The following NTM variants were observed in gnomAD, a reference collection of about 807,000 sequenced individuals.
NTM encodes the protein neurotrimin.
A neutral mutation model predicts 42.1 loss-of-function variants in NTM; 13 were observed. The ratio of observed to expected loss-of-function variants is 0.31; its 90% CI spans 0.20 to 0.49. NTM has a LOEUF of 0.49. Among genes scored for constraint, NTM ranks in the 20% least tolerant of loss-of-function variants. The pLI, the probability that NTM is intolerant of heterozygous loss-of-function variation, is 0.99. For missense variants in NTM, 373 were observed against 452.8 expected, an observed-to-expected ratio of 0.82 and a Z score of 1.60; for synonymous variants, 187 against 179.2, an observed-to-expected ratio of 1.04 and a Z score of -0.35.
At chr11:131,390,568 C>A (rs992352246) in intron 1 of NTM, among the ~76,000 whole-genome samples, 1 of 152,000 alleles carries the variant, frequency 6.6e-6, no homozygotes, top group East Asian at 1.9e-4. Context: ...AATCCTGAGT[C>A]CTACACAGGA....
At chr11:131,891,049 C>T (rs926213729) in intron 1 of NTM, among the ~76,000 whole-genome samples, 6 of 152,168 alleles carry the variant, frequency 3.9e-5, no homozygotes, top group Non-Finnish European at 8.8e-5. Context: ...ATTTCCTCAT[C>T]TACAACATGG....
At chr11:131,874,469 C>T (rs2048298650) in intron 1 of NTM, among the ~76,000 whole-genome samples, 6 of 152,076 alleles carry the variant, frequency 3.9e-5, no homozygotes, top group Admixed American at 3.3e-4. Context: ...TATTGTTGCA[C>T]ACCGTATGAA....
chr11:131,532,058 A>AT (rs1340417542), intron 1 of NTM, among the ~76,000 whole-genome samples: 1 of 152,178 alleles, frequency 6.6e-6, no homozygotes, highest in Admixed American at 6.5e-5. Flanking sequence ...GGTGATTTTC[A>AT]TTTATTGTAG....
At chr11:132,122,148 G>A (rs1470474284) in intron 2 of NTM, among the ~76,000 whole-genome samples, 3 of 152,222 alleles carry the variant, frequency 2.0e-5, no homozygotes, top group Non-Finnish European at 2.9e-5. Context: ...CGTGCACTCG[G>A]TGTGGGCCTT....
intron 2 of NTM, among the ~76,000 whole-genome samples, chr11:131,998,015 C>G (rs2068406306): frequency 6.6e-6 from 1 of 152,020 alleles, no homozygotes; most frequent in African/African-American, 2.4e-5. Context: ...CACCTTTGCT[C>G]AAGGCAACCC....
intron 3 of NTM, among the ~76,000 whole-genome samples, chr11:132,173,825 G>A (rs1321406941): frequency 6.6e-6 from 1 of 152,202 alleles, no homozygotes. Context: ...TTGTTCTTCT[G>A]TAACAGGTAG....
intron 1 of NTM, among the ~76,000 whole-genome samples, chr11:131,720,084 T>C (rs1288062955): frequency 6.6e-6 from 1 of 152,156 alleles, no homozygotes; most frequent in Non-Finnish European, 1.5e-5. Context: ...AAAAAGGAGA[T>C]GGTCAAAACA....
chr11:132,320,248 A>G (rs147394880), intron 7 of NTM, among the ~76,000 whole-genome samples: 1 of 152,324 alleles, frequency 6.6e-6, no homozygotes, highest in African/African-American at 2.4e-5. Context: ...TGATTTCTGC[A>G]TTTCCATCTG....
intron 2 of NTM, among the ~76,000 whole-genome samples, chr11:132,001,686 G>T (rs898775398): frequency 6.6e-6 from 1 of 152,054 alleles, no homozygotes; most frequent in African/African-American, 2.4e-5. Context: ...CTCCCACCAG[G>T]CCCTATGCCA....
chr11:131,470,195 A>G (rs1952301777), intron 1 of NTM, among the ~76,000 whole-genome samples: 1 of 152,196 alleles, frequency 6.6e-6, no homozygotes, highest in South Asian at 2.1e-4. Flanking sequence ...TTCTGCTATT[A>G]GCCCGGGGTT....
intron 1 of NTM, among the ~76,000 whole-genome samples, chr11:131,516,916 G>T (rs2136514327): frequency 6.6e-6 from 1 of 152,282 alleles, no homozygotes; most frequent in Non-Finnish European, 1.5e-5. Context: ...ACTTTAGATT[G>T]CATTTCAAGA....
chr11:131,462,773 G>T (rs374731909), intron 1 of NTM, among the ~76,000 whole-genome samples: 1 of 143,916 alleles, frequency 6.9e-6, no homozygotes, highest in Non-Finnish European at 1.5e-5. Context: ...TCCCTAGAGC[G>T]GGCCCACCTA....
At chr11:131,458,992 C>T (rs1320423717) in intron 1 of NTM, among the ~76,000 whole-genome samples, 1 of 152,256 alleles carries the variant, frequency 6.6e-6, no homozygotes, top group Admixed American at 6.5e-5. Context: ...CAATCATGTC[C>T]ATTACTTGGC....
At chr11:131,747,056 A>G (rs1003338826) in intron 1 of NTM, among the ~76,000 whole-genome samples, 3 of 152,222 alleles carry the variant, frequency 2.0e-5, no homozygotes, top group African/African-American at 7.2e-5. Flanking sequence ...TCTGTTATAC[A>G]TATATGTTAA....
chr11:131,784,390 C>A (rs953804309), intron 1 of NTM, among the ~76,000 whole-genome samples: 4 of 151,210 alleles, frequency 2.6e-5, no homozygotes, highest in Non-Finnish European at 1.5e-5. Context: ...ATATTAGATT[C>A]ATACAGTGAA....
chr11:132,282,790 T>C (rs973287268), intron 4 of NTM, among the ~76,000 whole-genome samples: 2 of 152,114 alleles, frequency 1.3e-5, no homozygotes, highest in Non-Finnish European at 2.9e-5. Flanking sequence ...AAAATCTTCT[T>C]ACAATCTATG....
chr11:131,802,621 G>C (rs1425917735), intron 1 of NTM, among the ~76,000 whole-genome samples: 1 of 152,192 alleles, frequency 6.6e-6, no homozygotes, highest in African/African-American at 2.4e-5. Context: ...CTCTCTCCCT[G>C]TGCCATCAGC....
At chr11:131,929,420 T>C (rs890962030) in intron 2 of NTM, among the ~76,000 whole-genome samples, 7 of 152,216 alleles carry the variant, frequency 4.6e-5, no homozygotes, top group South Asian at 2.1e-4. Flanking sequence ...CTGGAGCAGT[T>C]TGACAGTTTG....
At position 131,663,042 on chromosome 11, in the gene NTM, C is replaced by T. The variant is rs980526174; in HGVS notation, c.83-248522C>T. ...CCTACCTAATAAACAACACATTCCC[C>T]AGCACTACTGGGCCCTGGTGGAATA... On this transcript the variant is annotated intron_variant, in intron 1 of 8. Coordinates refer to ENST00000683400, the MANE Select transcript of NTM (RefSeq NM_001352005.2). 7.9e-5 allele frequency: 12 copies of T among 152,266 alleles called. No homozygotes were observed. In the East Asian group the frequency reaches 1.4e-3, roughly 17 times the overall value. 9.4% of individuals were successfully genotyped at this position (152,266 alleles called of 1,614,324 possible). A position where few individuals can be genotyped will look rare whatever the true frequency, so the allele number is the denominator to read the frequency against.
Sources: gnomAD v4.1 joint callset for allele counts (sites outside exome capture counted in the v4.1 genomes callset) on GRCh38, gnomAD v4.1.1 for gene constraint, MANE v1.5 for transcripts, NCBI Gene and HGNC (gene_info 2026-07-23, HGNC 2026-07-21) for gene names.